ESRRG: variants seen among roughly 807,000 people sequenced by gnomAD.
ESRRG encodes estrogen-related receptor gamma.
ESRRG carries 13 observed loss-of-function variants against 44.0 expected under a neutral mutation model. That is an observed-to-expected ratio of 0.30 (90% CI 0.19 to 0.47). ESRRG has a LOEUF of 0.47. ESRRG is among the 20% of genes least tolerant of loss of function. The pLI is 1.00. For synonymous variants in ESRRG, 215 were observed against 214.6 expected (o/e 1.00, Z -0.02); for missense variants, 395 against 580.6 (o/e 0.68, Z 3.29).
intron 3 of ESRRG, among the ~76,000 whole-genome samples, chr1:216,639,004 A>C (rs1181106899): frequency 6.6e-6 from 1 of 152,190 alleles, no homozygotes; most frequent in East Asian, 1.9e-4. Flanking sequence ...TAATAACCTA[A>C]GACTGGCTAA....
chr1:217,072,130 C>A (rs369231439), intron 1 of ESRRG, among the ~76,000 whole-genome samples: 3 of 152,164 alleles, frequency 2.0e-5, no homozygotes, highest in African/African-American at 7.2e-5. Context: ...GCAGTGCAAT[C>A]CAAGCTAAAG....
At chr1:217,061,573 G>T (rs1016878404) in intron 1 of ESRRG, among the ~76,000 whole-genome samples, 26 of 152,048 alleles carry the variant, frequency 1.7e-4, no homozygotes, top group African/African-American at 6.3e-4. Context: ...ACAGGAAAAG[G>T]TCAGTCCTCT....
chr1:216,629,691 A>G (rs1335007387), intron 3 of ESRRG, among the ~76,000 whole-genome samples: 1 of 152,142 alleles, frequency 6.6e-6, no homozygotes, highest in Non-Finnish European at 1.5e-5. Context: ...TTGCGCACTG[A>G]ATAGAACAGG....
At chr1:217,128,772 T>G (rs902884016) in intron 1 of ESRRG, among the ~76,000 whole-genome samples, 9 of 152,210 alleles carry the variant, frequency 5.9e-5, no homozygotes, top group South Asian at 2.1e-4. Flanking sequence ...TAAAGTTGAT[T>G]GGGCATTAAA....
intron 3 of ESRRG, among the ~76,000 whole-genome samples, chr1:216,617,609 A>G (rs1356805246): frequency 6.6e-6 from 1 of 152,152 alleles, no homozygotes; most frequent in Admixed American, 6.5e-5. Context: ...TGCAATGATC[A>G]TATATTGTGG....
intron 5 of ESRRG, among the ~76,000 whole-genome samples, chr1:216,538,823 A>G (rs895540310): frequency 1.1e-4 from 16 of 152,054 alleles, no homozygotes; most frequent in Non-Finnish European, 2.1e-4. Flanking sequence ...CAAGATGTTT[A>G]TTAAATAAAG....
upstream of ESRRG, among the ~76,000 whole-genome samples, chr1:216,724,427 GTATA>G (rs2087059218): frequency 6.9e-6 from 1 of 144,606 alleles, no homozygotes; most frequent in Admixed American, 7.1e-5. Flanking sequence ...TTAATTATAT[GTATA>G]TATTTCAATA....
intron 1 of ESRRG, among the ~76,000 whole-genome samples, chr1:216,711,205 C>T (rs1575615322): frequency 6.6e-6 from 1 of 152,116 alleles, no homozygotes; most frequent in East Asian, 1.9e-4. Context: ...AGGACAGCTC[C>T]AATAGGAGCT....
intron 3 of ESRRG, among the ~76,000 whole-genome samples, chr1:216,570,944 A>C (rs1035632523): frequency 6.6e-5 from 10 of 152,220 alleles, no homozygotes; most frequent in African/African-American, 2.4e-4. Context: ...CAGAAGTCAG[A>C]GCTAGTGAGT....
chr1:216,666,311 C>T (rs1355371269), intron 2 of ESRRG, among the ~76,000 whole-genome samples: 2 of 152,224 alleles, frequency 1.3e-5, no homozygotes, highest in Non-Finnish European at 2.9e-5. Flanking sequence ...TGGCTTTAGC[C>T]ATAACCAATT....
chr1:216,763,649 G>T (rs1175531631), intron 2 of ESRRG, among the ~76,000 whole-genome samples: 1 of 152,096 alleles, frequency 6.6e-6, no homozygotes, highest in Non-Finnish European at 1.5e-5. Flanking sequence ...TTGATTTGCA[G>T]TTGTTCTTCC....
chr1:216,755,091 G>A (rs902547529), intron 2 of ESRRG, among the ~76,000 whole-genome samples: 2 of 151,824 alleles, frequency 1.3e-5, no homozygotes, highest in Admixed American at 6.6e-5. Context: ...GCTGCATAGC[G>A]GATATTTTAT....
chr1:217,018,378 G>T (rs1235553449), intron 1 of ESRRG, among the ~76,000 whole-genome samples: 1 of 152,122 alleles, frequency 6.6e-6, no homozygotes, highest in Non-Finnish European at 1.5e-5. Context: ...ACCTAGCAGT[G>T]AGAGATCTTC....
intron 1 of ESRRG, among the ~76,000 whole-genome samples, chr1:216,701,262 T>TA (rs1033938762): frequency 3.0e-4 from 46 of 152,296 alleles, no homozygotes; most frequent in Middle Eastern, 3.4e-3. Context: ...TTCAAACTCA[T>TA]AGTCTGCACC....
chr1:216,739,062 G>A (rs1331925879), intron 2 of ESRRG, among the ~76,000 whole-genome samples: 1 of 152,054 alleles, frequency 6.6e-6, no homozygotes, highest in Non-Finnish European at 1.5e-5. Context: ...GAGGTCAGGG[G>A]AGGCTCCCAG....
At chr1:216,554,836 C>T (rs2057192646) in intron 5 of ESRRG, among the ~76,000 whole-genome samples, 2 of 152,132 alleles carry the variant, frequency 1.3e-5, no homozygotes, top group Non-Finnish European at 2.9e-5. Flanking sequence ...TCATCATCAA[C>T]AAGAAAGAGG....
chr1:217,067,294 T>C (rs1446281454), intron 1 of ESRRG, among the ~76,000 whole-genome samples: 1 of 152,204 alleles, frequency 6.6e-6, no homozygotes, highest in African/African-American at 2.4e-5. Flanking sequence ...TTCCTAAAAT[T>C]AAATTGATTA....
intron 6 of ESRRG, among the ~76,000 whole-genome samples, chr1:216,508,173 T>C (rs1478488828): frequency 6.6e-6 from 1 of 152,138 alleles, no homozygotes; most frequent in African/African-American, 2.4e-5. Context: ...AATTCAAACA[T>C]AGATCACATG....
At chr1:216,698,141 A>G (rs1259261030) in intron 1 of ESRRG, among the ~76,000 whole-genome samples, 2 of 152,156 alleles carry the variant, frequency 1.3e-5, no homozygotes, top group African/African-American at 4.8e-5. Context: ...TTGAGGGAAA[A>G]CGGGAAAGGA....
Sources: gnomAD v4.1 joint callset for allele counts (sites outside exome capture counted in the v4.1 genomes callset) on GRCh38, gnomAD v4.1.1 for gene constraint, MANE v1.5 for transcripts, NCBI Gene and HGNC (gene_info 2026-07-23, HGNC 2026-07-21) for gene names.